Variants in USP46 observed in about 807,000 individuals in gnomAD.
USP46 encodes the protein ubiquitin carboxyl-terminal hydrolase 46.
In USP46, 12 loss-of-function variants were observed where a neutral mutation model predicts 44.4. The observed-to-expected ratio is 0.27, with a 90% CI of 0.17 to 0.44. USP46 has a LOEUF of 0.44. Among genes scored for constraint, USP46 ranks in the 20% least tolerant of loss-of-function variants. USP46 has a pLI of 1.00. For synonymous variants in USP46, 155 were observed against 161.5 expected (o/e 0.96, Z 0.31); for missense variants, 248 against 444.8 (o/e 0.56, Z 3.98).
chr4:52,614,178 A>G (rs1393139223), intron 4 of USP46, among the ~76,000 whole-genome samples: 1 of 152,216 alleles, frequency 6.6e-6, no homozygotes, highest in Non-Finnish European at 1.5e-5. Flanking sequence ...ACAGATACTC[A>G]GGAATCTTTT....
chr4:52,625,964 T>C lies in USP46; in HGVS notation c.561+54A>G. The C allele has an allele frequency of 4.7e-6, 7 of 1,497,434 alleles. No individual in the cohort carries two copies. In the South Asian group the frequency reaches 4.8e-5, roughly 10 times the overall value. The allele number at this position is 1,497,434 out of a possible 1,614,324, so 92.8% of individuals were successfully genotyped here. A position where few individuals can be genotyped will look rare whatever the true frequency, so the allele number is the denominator to read the frequency against. On this transcript the variant is annotated intron_variant, in intron 4 of 8. Transcript: ENST00000441222. ...TACGACATTGCAATCACATGCAACATAGCGTACATAAATATGAACATGCGA... is the reference window on the plus strand; with the variant it reads ...TACGACATTGCAATCACATGCAACACAGCGTACATAAATATGAACATGCGA...
At chr4:52,598,229 GAATAA>G (rs1219572447) in intron 8 of USP46, among the ~76,000 whole-genome samples, 1 of 152,132 alleles carries the variant, frequency 6.6e-6, no homozygotes, top group African/African-American at 2.4e-5. Flanking sequence ...CCAACAGACT[GAATAA>G]AATATTTTAA....
chr4:52,642,846 T>C (rs1718399151), intron 1 of USP46, among the ~76,000 whole-genome samples: 1 of 152,138 alleles, frequency 6.6e-6, no homozygotes, highest in Non-Finnish European at 1.5e-5. Context: ...GAGTAAACCA[T>C]TCTACACCTA....
intron 4 of USP46, among the ~76,000 whole-genome samples, chr4:52,620,203 A>T (rs1323733057): frequency 2.6e-5 from 4 of 152,182 alleles, no homozygotes; most frequent in East Asian, 1.9e-4. Context: ...TGACCTTTTC[A>T]TAGAAAAACA....
At chr4:52,646,823 TATACTAAG>T (rs1248454740) in intron 1 of USP46, among the ~76,000 whole-genome samples, 1 of 152,214 alleles carries the variant, frequency 6.6e-6, no homozygotes, top group Non-Finnish European at 1.5e-5. Context: ...AAACTACAAA[TATACTAAG>T]ACACCATCTT....
chr4:52,651,284 A>G (rs1718763248), intron 1 of USP46, among the ~76,000 whole-genome samples: 1 of 152,082 alleles, frequency 6.6e-6, no homozygotes, highest in South Asian at 2.1e-4. Context: ...CAGCTCACCT[A>G]TAACAGAATG....
intron 4 of USP46, among the ~76,000 whole-genome samples, chr4:52,613,263 C>T (rs930407010): frequency 6.6e-6 from 1 of 152,148 alleles, no homozygotes; most frequent in Non-Finnish European, 1.5e-5. Context: ...ATGTGGCTGA[C>T]CCCTGATCCA....
At chr4:52,618,968 C>G (rs150381725) in intron 4 of USP46, among the ~76,000 whole-genome samples, 1 of 151,968 alleles carries the variant, frequency 6.6e-6, no homozygotes, top group African/African-American at 2.4e-5. Flanking sequence ...CTGAGAAGCA[C>G]GGAAAAATCA....
At position 52,638,970 on chromosome 4, in the gene USP46, A is replaced by G. The variant is rs1460033268; in HGVS notation, c.37-7826T>C. Among the ~76,000 whole-genome samples, 6 of 152,346 alleles carry G rather than the reference A, an allele frequency of 3.9e-5. No individual in the cohort carries two copies. The East Asian group carries it at 9.6e-4, about 24-fold the overall frequency. On this transcript the variant is annotated intron_variant, in intron 1 of 8. Transcript: ENST00000441222. ...TCTAAGAATTGGTTTCCATGGATAC[A>G]GAATGTCACTGATATTGACATTTGG...
At chr4:52,598,102 T>C (rs1339478089) in intron 8 of USP46, among the ~76,000 whole-genome samples, 1 of 152,242 alleles carries the variant, frequency 6.6e-6, no homozygotes, top group African/African-American at 2.4e-5. Flanking sequence ...CTAAAACTGC[T>C]ACCTTAGTGG....
intron 1 of USP46, among the ~76,000 whole-genome samples, chr4:52,654,484 A>T (rs1244480690): frequency 6.6e-6 from 1 of 152,222 alleles, no homozygotes; most frequent in Non-Finnish European, 1.5e-5. Context: ...TTTTGTTTCA[A>T]AATTGTAATG....
At chr4:52,657,078 A>C (rs1182017072) in intron 1 of USP46, among the ~76,000 whole-genome samples, 1 of 151,440 alleles carries the variant, frequency 6.6e-6, no homozygotes, top group Non-Finnish European at 1.5e-5. Context: ...CAGGACCTGA[A>C]CCCAGGAAGT....
At chr4:52,651,069 GCA>G (rs1718745135) in intron 1 of USP46, 1 of 136,544 alleles carries the variant, frequency 7.3e-6, no homozygotes, top group Non-Finnish European at 1.5e-5. Flanking sequence ...CTCCAGCCTG[GCA>G]ACAGAGTGAG....
intron 7 of USP46, 25 bp downstream of exon 7, chr4:52,601,832 T>A: frequency 6.2e-7 from 1 of 1,607,596 alleles, no homozygotes; most frequent in East Asian, 2.2e-5. Context: ...TTACCCTGTA[T>A]ACCTGCTTCC....
intron 3 of USP46, 60 bp downstream of exon 3, chr4:52,627,890 C>T: frequency 6.6e-7 from 1 of 1,525,906 alleles, no homozygotes; most frequent in Non-Finnish European, 8.9e-7. Context: ...TGAGGAGATA[C>T]AGAACCATCA....
intron 1 of USP46, among the ~76,000 whole-genome samples, chr4:52,641,687 C>T (rs941068007): frequency 2.0e-5 from 3 of 152,112 alleles, no homozygotes; most frequent in African/African-American, 7.2e-5. Context: ...CAGGAAGCAT[C>T]CTTGGAGAAG....
chr4:52,649,620 C>T (rs1718680374), intron 1 of USP46, among the ~76,000 whole-genome samples: 1 of 152,220 alleles, frequency 6.6e-6, no homozygotes, highest in Non-Finnish European at 1.5e-5. Flanking sequence ...TTCAACTAGA[C>T]CTCCAGCTAA....
chr4:52,605,477 C>G (rs1332833280), intron 5 of USP46, among the ~76,000 whole-genome samples: 1 of 152,100 alleles, frequency 6.6e-6, no homozygotes, highest in Non-Finnish European at 1.5e-5. Flanking sequence ...GTTCAGTGTC[C>G]TAGTACCATA....
intron 7 of USP46, among the ~76,000 whole-genome samples, chr4:52,599,678 TGAG>T (rs1236466049): frequency 6.6e-6 from 1 of 152,180 alleles, no homozygotes; most frequent in Non-Finnish European, 1.5e-5. Context: ...TTTGCACAAG[TGAG>T]GAGATTTCAA....
Sources: gnomAD v4.1 joint callset for allele counts (sites outside exome capture counted in the v4.1 genomes callset) on GRCh38, gnomAD v4.1.1 for gene constraint, MANE v1.5 for transcripts, NCBI Gene and HGNC (gene_info 2026-07-23, HGNC 2026-07-21) for gene names.